CRTAC1: variants seen among roughly 807,000 people sequenced by gnomAD.
CRTAC1 encodes acidic secreted protein in cartilage.
CRTAC1 carries 37 observed loss-of-function variants against 67.8 expected under a neutral mutation model. The observed-to-expected ratio is 0.55, with a 90% CI of 0.42 to 0.72. The LOEUF (loss-of-function observed/expected upper bound fraction) is 0.72. CRTAC1 is among the 30% of genes least tolerant of loss of function. The pLI is 0.00. For missense variants in CRTAC1, 780 were observed against 931.6 expected (o/e 0.84, Z 2.12); for synonymous variants, 348 against 371.0 (o/e 0.94, Z 0.71).
intron 2 of CRTAC1, among the ~76,000 whole-genome samples, chr10:97,990,668 C>T (rs1842427862): frequency 1.3e-5 from 2 of 152,236 alleles, no homozygotes; most frequent in Admixed American, 6.5e-5. Flanking sequence ...GGCACATTGA[C>T]TCTCTTTCTG....
At chr10:97,953,353 C>A (rs2136634751) in intron 2 of CRTAC1, among the ~76,000 whole-genome samples, 1 of 152,120 alleles carries the variant, frequency 6.6e-6, no homozygotes, top group South Asian at 2.1e-4. Flanking sequence ...TAAGAGAAAC[C>A]AGCCAGTATC....
At chr10:98,007,165 C>A (rs369462687) in intron 2 of CRTAC1, among the ~76,000 whole-genome samples, 3 of 152,172 alleles carry the variant, frequency 2.0e-5, no homozygotes, top group Non-Finnish European at 4.4e-5. Context: ...TTAGTCAAAT[C>A]GGTTCTTGAC....
rs978283352 is a variant in CRTAC1, at chr10:98,030,036, G to A, written c.24+413C>T. Among the ~76,000 whole-genome samples the A allele has an allele frequency of 2.0e-5, 3 of 151,644 alleles. No homozygotes were observed. Among genetic ancestry groups the A allele is most frequent in the Non-Finnish European group, 4.4e-5 (3 of 67,892 alleles). Reference sequence around the variant, plus strand: ...CCGAGGCCAGTGGCTTCCCAGGCCCGGGTCTCAGCCTGGCTGACTGGGAGA... The same window carrying A: ...CCGAGGCCAGTGGCTTCCCAGGCCCAGGTCTCAGCCTGGCTGACTGGGAGA... On this transcript the variant is annotated intron_variant, in intron 1 of 14. Coordinates refer to ENST00000370597, the MANE Select transcript of CRTAC1 (RefSeq NM_018058.7). This position sits in a 1 kb window ranked among gnomAD's most constrained non-coding sequence, Gnocchi z 4.2.
chr10:97,964,844 T>C (rs1465646510), intron 2 of CRTAC1, among the ~76,000 whole-genome samples: 2 of 152,206 alleles, frequency 1.3e-5, no homozygotes, highest in Non-Finnish European at 2.9e-5. Flanking sequence ...TTAGCATATG[T>C]AAGGCGCTTG....
intron 2 of CRTAC1, among the ~76,000 whole-genome samples, chr10:97,948,543 A>T (rs570134): frequency 0.36 from 54,854 of 151,996 alleles, 10,337 homozygotes; most frequent in Non-Finnish European, 0.43. Context: ...GAAAAGACCT[A>T]GGAGAGGCAG....
intron 2 of CRTAC1, among the ~76,000 whole-genome samples, chr10:97,976,024 GAGGACCAGAA>G (rs149099831): frequency 0.018 from 2,680 of 152,274 alleles, 72 homozygotes; most frequent in African/African-American, 0.06. Context: ...AGCTGCCTCT[GAGGACCAGAA>G]AGACACTCCA....
intron 14 of CRTAC1, among the ~76,000 whole-genome samples, chr10:97,873,153 T>C (rs2050111326): frequency 6.6e-6 from 1 of 152,176 alleles, no homozygotes; most frequent in Middle Eastern, 3.2e-3. Flanking sequence ...AAACAACTTC[T>C]TAAGGCCACT....
Position 98,029,711 on chromosome 10 carries a change from G to A in CRTAC1, c.24+738C>T, listed in dbSNP as rs1012943078. On this transcript the variant is annotated intron_variant, in intron 1 of 14. Coordinates refer to ENST00000370597, the MANE Select transcript of CRTAC1 (RefSeq NM_018058.7). The surrounding 1 kb of genome is among the most constrained non-coding windows in gnomAD (Gnocchi z 4.7). ...CAACTACTGTACTGCAAAGAAGCGC[G>A]CTGCATTGCTGGGCATGCCCCCAAG... 6.6e-6 allele frequency among the ~76,000 whole-genome samples: 1 copy of A among 152,184 alleles called. No individual in the cohort carries two copies. Among genetic ancestry groups the A allele is most frequent in the Non-Finnish European group, 1.5e-5 (1 of 68,036 alleles).
At chr10:98,003,177 A>C (rs1026783694) in intron 2 of CRTAC1, among the ~76,000 whole-genome samples, 4 of 152,208 alleles carry the variant, frequency 2.6e-5, no homozygotes, top group African/African-American at 9.6e-5. Context: ...GAAATTACAC[A>C]ATAATACAGT....
At chr10:97,984,828 G>A (rs530162589) in intron 2 of CRTAC1, among the ~76,000 whole-genome samples, 4 of 152,326 alleles carry the variant, frequency 2.6e-5, no homozygotes, top group Admixed American at 1.3e-4. Context: ...GCAGGGCTAT[G>A]GGGGAGCTCA....
intron 3 of CRTAC1, among the ~76,000 whole-genome samples, chr10:97,925,652 T>A (rs1306972390): frequency 1.0e-5 from 1 of 99,042 alleles, no homozygotes; most frequent in Non-Finnish European, 1.9e-5. Flanking sequence ...AGAATGAGTG[T>A]GGGCATGAGT....
Position 97,895,381 on chromosome 10 carries a change from T to C in CRTAC1, c.1350A>G (p.Pro450=). Residue 450 remains proline (P), a synonymous_variant, in exon 11 of 15, where the codon CCA becomes CCG. Transcript: ENST00000370597. The surrounding 1 kb of genome is among the most constrained non-coding windows in gnomAD (Gnocchi z 4.2). The stretch of plus-strand genomic sequence containing the variant: ...TGGCAAAGGCCCCAAACCGGGTGCG[T>C]GGCACCACTCGCAGCCAGTTGTTGT... ...GFNNNWLRVV[P]RTRFGAFARG... 1.2e-6 allele frequency: 2 copies of C among 1,611,784 alleles called. No homozygotes were observed. The highest frequency in any genetic ancestry group is 1.7e-6 in the Non-Finnish European group (2 of 1,179,124).
At chr10:97,928,137 G>A (rs2050950187) in intron 3 of CRTAC1, among the ~76,000 whole-genome samples, 1 of 152,126 alleles carries the variant, frequency 6.6e-6, no homozygotes, top group Non-Finnish European at 1.5e-5. Context: ...CCTTACGAGG[G>A]GCAAGTCTAG....
Position 97,878,030 on chromosome 10 carries a change from C to T in CRTAC1, c.1819+2219G>A, listed in dbSNP as rs2050167170. Among the ~76,000 whole-genome samples, 3 of 152,356 alleles carry T rather than the reference C, an allele frequency of 2.0e-5. No homozygotes were observed. In the South Asian group the frequency reaches 6.2e-4, roughly 32 times the overall value. ...TACTTATCTCACTATCTTAGATCCA[C>T]TTTGTTCATTTTTTAAAAGGCAGCA... On this transcript the variant is annotated intron_variant, in intron 14 of 14. Coordinates refer to ENST00000370597, the MANE Select transcript of CRTAC1 (RefSeq NM_018058.7).
At chr10:97,981,679 G>A (rs1286468606) in intron 2 of CRTAC1, among the ~76,000 whole-genome samples, 1 of 152,132 alleles carries the variant, frequency 6.6e-6, no homozygotes, top group Non-Finnish European at 1.5e-5. Context: ...AGTCAAAAGG[G>A]CTGTGCATTT....
In CRTAC1 at chr10:97,902,708, T is replaced by A. The variant is rs946754285; in HGVS notation, c.997-1069A>T. On this transcript the variant is annotated intron_variant, in intron 7 of 14. Transcript: ENST00000370597. ...TGGAGAGGGCTGAGAAAGGTACAGG[T>A]GGTGTCTCTGGGAGCATCCTCTACC... Among the ~76,000 whole-genome samples the A allele has an allele frequency of 1.3e-5, 2 of 151,988 alleles. 1 individual carries two copies. The highest frequency in any genetic ancestry group is 4.2e-4 in the South Asian group (2 of 4,800).
At chr10:97,994,583 C>G (rs1842520302) in intron 2 of CRTAC1, among the ~76,000 whole-genome samples, 1 of 152,190 alleles carries the variant, frequency 6.6e-6, no homozygotes, top group Non-Finnish European at 1.5e-5. Context: ...CTCTCCTCGT[C>G]TTCTCTCTGG....
At chr10:97,893,973 G>A (rs2050414952) in intron 11 of CRTAC1, among the ~76,000 whole-genome samples, 1 of 152,146 alleles carries the variant, frequency 6.6e-6, no homozygotes, top group South Asian at 2.1e-4. Flanking sequence ...TTCCATGGAA[G>A]GGCTGTATCA....
At chr10:97,946,013 C>A (rs2051258472) in intron 2 of CRTAC1, among the ~76,000 whole-genome samples, 2 of 152,208 alleles carry the variant, frequency 1.3e-5, no homozygotes, top group African/African-American at 4.8e-5. Context: ...CTATCCTATG[C>A]AGCTCTATTC....
Sources: allele counts gnomAD v4.1 joint callset (sites outside exome capture counted in the v4.1 genomes callset), GRCh38; gene constraint gnomAD v4.1.1; non-coding constraint Gnocchi (gnomAD v3.1); transcripts MANE v1.5; gene names NCBI Gene and HGNC (gene_info 2026-07-23, HGNC 2026-07-21).